SCML2: variants seen among roughly 807,000 people sequenced by gnomAD.
SCML2 encodes the protein sex comb on midleg-like protein 2.
Under a neutral mutation model 48.4 loss-of-function variants are expected in SCML2, and 6 were observed. That is an observed-to-expected ratio of 0.12 (90% CI 0.07 to 0.24). The LOEUF is 0.24. Among genes scored for constraint, SCML2 ranks in the 10% least tolerant of loss-of-function variants. The probability of loss-of-function intolerance (pLI) is 1.00; values close to 1 mark genes in which losing one functional copy is unlikely to be tolerated. For synonymous variants in SCML2, 181 were observed against 189.5 expected, an observed-to-expected ratio of 0.95 and a Z score of 0.37; for missense variants, 377 against 528.2, an observed-to-expected ratio of 0.71 and a Z score of 2.81.
intron 7 of SCML2, among the ~76,000 whole-genome samples, chrX:18,294,989 C>G (rs750374565): frequency 9.0e-6 from 1 of 111,087 alleles, no homozygotes; most frequent in East Asian, 2.9e-4. Flanking sequence ...CTAGCAATTA[C>G]CCCCCACCCC....
At chrX:18,275,513 T>G (rs186471467) in intron 7 of SCML2, among the ~76,000 whole-genome samples, 30 of 112,768 alleles carry the variant, frequency 2.7e-4, no homozygotes, top group Admixed American at 1.9e-4. Context: ...ATAGACCTTA[T>G]AACATCTTAT....
intron 6 of SCML2, among the ~76,000 whole-genome samples, chrX:18,314,814 C>T (rs1353265479): frequency 9.0e-6 from 1 of 111,510 alleles, no homozygotes; most frequent in Non-Finnish European, 1.9e-5. Context: ...ATGGGCCGGA[C>T]ACAGTGGCTC....
chrX:18,331,259 C>CAAAA (rs35589774), intron 2 of SCML2, among the ~76,000 whole-genome samples: 891 of 16,249 alleles, frequency 0.055, 238 homozygotes, highest in African/African-American at 0.16. Context: ...GACTCCGTCT[C>CAAAA]AAAAAAAAAA....
At chrX:18,280,281 A>T (rs1376807757) in intron 7 of SCML2, among the ~76,000 whole-genome samples, 1 of 111,748 alleles carries the variant, frequency 8.9e-6, no homozygotes, top group Non-Finnish European at 1.9e-5. Context: ...TACATGAGGG[A>T]GAAATAAAAT....
At chrX:18,327,018 CT>C (rs767371323) in intron 3 of SCML2, among the ~76,000 whole-genome samples, 15 of 111,106 alleles carry the variant, frequency 1.4e-4, no homozygotes, top group Non-Finnish European at 2.6e-4. Context: ...TGATTGCCCC[CT>C]AGCACTACAG....
At chrX:18,243,736 A>G (rs761404655) in intron 13 of SCML2, among the ~76,000 whole-genome samples, 1 of 112,235 alleles carries the variant, frequency 8.9e-6, no homozygotes, top group Non-Finnish European at 1.9e-5. Context: ...AAATGGTCTT[A>G]GCTGTGCTCT....
chrX:18,334,864 C>T (rs931656193), intron 1 of SCML2, among the ~76,000 whole-genome samples: 4 of 112,211 alleles, frequency 3.6e-5, no homozygotes, highest in African/African-American at 1.3e-4. Flanking sequence ...GTAATAAGAA[C>T]ATGATGATGT....
At chrX:18,263,285 C>T (rs115750422) in intron 8 of SCML2, among the ~76,000 whole-genome samples, 4,201 of 110,928 alleles carry the variant, frequency 0.038, 220 homozygotes, top group African/African-American at 0.13. Flanking sequence ...CACGTCAGGC[C>T]TTTATACTAC....
rs146267639 is a variant in SCML2, at chrX:18,247,847, G to T, written c.1492C>A (p.Arg498=). ...EDVTERQSTK[R]SPQQTVPYVV... ...TATGGTACAGTTTGCTGAGGAGATCGTTTGGTGCTTTGCCTTTCTGTTACA... is the reference window on the plus strand; with the variant it reads ...TATGGTACAGTTTGCTGAGGAGATCTTTTGGTGCTTTGCCTTTCTGTTACA... The change falls in exon 12 of 15, where the codon CGA becomes AGA. Residue 498 remains arginine, a synonymous_variant. Coordinates refer to ENST00000251900, the MANE Select transcript of SCML2 (RefSeq NM_006089.3). The T allele has an allele frequency of 5.0e-6, 6 of 1,210,474 alleles. No individual in the cohort carries two copies. Among genetic ancestry groups the T allele is most frequent in the Non-Finnish European group, 6.7e-6 (6 of 894,420 alleles).
rs151001198 is a variant in SCML2, at chrX:18,348,467, T to C, written c.-25+6125A>G. Among the ~76,000 whole-genome samples, 924 of 111,735 alleles carry C rather than the reference T, an allele frequency of 8.3e-3. 8 individuals are homozygous for C. Among genetic ancestry groups the C allele is most frequent in the African/African-American group, 0.028 (847 of 30,759 alleles). ...AACATCCTTGAAAATACCTCAAACA[T>C]GAGGCAGGTGTCAGCAAATTACCCA... On this transcript the variant is annotated intron_variant, in intron 1 of 14. Transcript: ENST00000251900.
chrX:18,299,729 G>A (rs1170959157), intron 7 of SCML2, among the ~76,000 whole-genome samples: 1 of 108,845 alleles, frequency 9.2e-6, no homozygotes, highest in Admixed American at 9.8e-5. Flanking sequence ...AGAGAAAAGG[G>A]AACTCTTTTT....
chrX:18,340,169 C>T (rs1929967064), intron 1 of SCML2, among the ~76,000 whole-genome samples: 1 of 112,017 alleles, frequency 8.9e-6, no homozygotes, highest in Non-Finnish European at 1.9e-5. Context: ...AATCCCAGCA[C>T]TCTGAGAGGC....
chrX:18,278,862 G>C (rs1286297121), intron 7 of SCML2, among the ~76,000 whole-genome samples: 3 of 112,988 alleles, frequency 2.7e-5, no homozygotes, highest in Non-Finnish European at 5.6e-5. Flanking sequence ...GCTGAGATCT[G>C]TGGCTGCCAC....
At chrX:18,276,867 G>T (rs1044282421) in intron 7 of SCML2, among the ~76,000 whole-genome samples, 3 of 111,263 alleles carry the variant, frequency 2.7e-5, no homozygotes, top group African/African-American at 3.3e-5. Flanking sequence ...TGGGCACAGG[G>T]TTTTCTTTTA....
At chrX:18,248,807 A>G (rs758176602) in intron 11 of SCML2, among the ~76,000 whole-genome samples, 77 of 112,556 alleles carry the variant, frequency 6.8e-4, no homozygotes, top group South Asian at 4.0e-3. Flanking sequence ...GGAATATTCG[A>G]GTTCTAAAAT....
intron 3 of SCML2, among the ~76,000 whole-genome samples, chrX:18,330,094 A>C (rs1273183504): frequency 9.0e-6 from 1 of 111,463 alleles, no homozygotes; most frequent in Admixed American, 9.6e-5. Flanking sequence ...AGAAGAAGAA[A>C]AAACGTCTAA....
rs1928174277 is a variant in SCML2, at chrX:18,289,896, C to T, written c.730+15076G>A. Among the ~76,000 whole-genome samples, 6 of 110,806 alleles carry T rather than the reference C, an allele frequency of 5.4e-5. No individual in the cohort carries two copies. The Admixed American group carries it at 5.8e-4, about 11-fold the overall frequency. ...TGGGATGGGAGTGTGGAAAGTAGACCTATTTCTTGTTTGCTGAACAAAAAA... is the reference window on the plus strand; with the variant it reads ...TGGGATGGGAGTGTGGAAAGTAGACTTATTTCTTGTTTGCTGAACAAAAAA... On this transcript the variant is annotated intron_variant, in intron 7 of 14. Coordinates refer to ENST00000251900, the MANE Select transcript of SCML2 (RefSeq NM_006089.3).
intron 1 of SCML2, among the ~76,000 whole-genome samples, chrX:18,346,032 CG>C (rs767130462): frequency 9.0e-6 from 1 of 110,576 alleles, no homozygotes; most frequent in East Asian, 2.8e-4. Context: ...CCCAAAGTGC[CG>C]GGATTACAGG....
At chrX:18,245,920 G>A (rs192853563) in intron 13 of SCML2, among the ~76,000 whole-genome samples, 214 of 111,805 alleles carry the variant, frequency 1.9e-3, no homozygotes, top group Non-Finnish European at 3.2e-3. Flanking sequence ...TGTATTTTTA[G>A]TAGAGACAGG....
Sources: gnomAD v4.1 joint callset for allele counts (sites outside exome capture counted in the v4.1 genomes callset) on GRCh38, gnomAD v4.1.1 for gene constraint, MANE v1.5 for transcripts, NCBI Gene and HGNC (gene_info 2026-07-23, HGNC 2026-07-21) for gene names.